The following MACROD2 variants were observed in gnomAD, a reference collection of about 807,000 sequenced individuals.
MACROD2 encodes ADP-ribose glycohydrolase MACROD2.
In MACROD2, 36 loss-of-function variants were observed where a neutral mutation model predicts 70.4. The observed-to-expected ratio is 0.51, with a 90% CI of 0.39 to 0.68. MACROD2 has a LOEUF of 0.68. Ranked by LOEUF, MACROD2 falls within the 30% of genes least tolerant of loss-of-function variation. MACROD2 has a pLI of 0.00. For missense variants in MACROD2, 496 were observed against 538.4 expected, an observed-to-expected ratio of 0.92 and a Z score of 0.78; for synonymous variants, 172 against 178.8, an observed-to-expected ratio of 0.96 and a Z score of 0.30.
At chr20:14,226,794 C>T (rs2081740295) in intron 3 of MACROD2, among the ~76,000 whole-genome samples, 1 of 152,258 alleles carries the variant, frequency 6.6e-6, no homozygotes, top group Non-Finnish European at 1.5e-5. Flanking sequence ...CTCCCACCCA[C>T]TCCGTGGGCT....
At chr20:15,839,193 C>G (rs1279206394) in intron 8 of MACROD2, among the ~76,000 whole-genome samples, 1 of 152,072 alleles carries the variant, frequency 6.6e-6, no homozygotes, top group Non-Finnish European at 1.5e-5. Flanking sequence ...AGAGAAGAAA[C>G]AGAAGCATCC....
chr20:15,844,346 A>G (rs1406021425), intron 8 of MACROD2, among the ~76,000 whole-genome samples: 3 of 152,076 alleles, frequency 2.0e-5, no homozygotes, highest in African/African-American at 7.2e-5. Flanking sequence ...GTCATCATCA[A>G]CCTATCAAAC....
intron 8 of MACROD2, among the ~76,000 whole-genome samples, chr20:15,534,117 ATG>A (rs1415827808): frequency 6.6e-6 from 1 of 152,298 alleles, no homozygotes; most frequent in South Asian, 2.1e-4. Flanking sequence ...GAAAATCTAT[ATG>A]TGTGATGCAT....
intron 5 of MACROD2, among the ~76,000 whole-genome samples, chr20:14,770,416 C>G (rs1218183926): frequency 6.6e-6 from 1 of 151,806 alleles, no homozygotes; most frequent in Non-Finnish European, 1.5e-5. Context: ...TAAAAATAAA[C>G]AAAAAATAAA....
At chr20:15,938,073 T>C (rs372161595) in intron 12 of MACROD2, among the ~76,000 whole-genome samples, 1 of 134,486 alleles carries the variant, frequency 7.4e-6, no homozygotes, top group African/African-American at 2.7e-5. Flanking sequence ...CCAGAAAAAG[T>C]AAAAAAAAAA....
intron 15 of MACROD2, among the ~76,000 whole-genome samples, chr20:16,019,796 T>C (rs2066977610): frequency 6.6e-6 from 1 of 152,074 alleles, no homozygotes; most frequent in Non-Finnish European, 1.5e-5. Flanking sequence ...GTTCTAATGC[T>C]CAGTCACATT....
intron 5 of MACROD2, among the ~76,000 whole-genome samples, chr20:14,947,312 A>G (rs1029827422): frequency 5.3e-5 from 8 of 152,338 alleles, no homozygotes; most frequent in African/African-American, 1.7e-4. Flanking sequence ...GTGATTCAGA[A>G]CATTGGGAAG....
At chr20:14,416,592 T>G (rs1455981185) in intron 3 of MACROD2, among the ~76,000 whole-genome samples, 2 of 152,124 alleles carry the variant, frequency 1.3e-5, no homozygotes, top group African/African-American at 2.4e-5. Context: ...GAAAATTGAG[T>G]CGTATTGAAG....
At chr20:15,084,313 C>T (rs1411785910) in intron 5 of MACROD2, among the ~76,000 whole-genome samples, 4 of 151,938 alleles carry the variant, frequency 2.6e-5, no homozygotes, top group Non-Finnish European at 4.4e-5. Flanking sequence ...TGTGATCTGC[C>T]CACCTCAGCA....
chr20:14,031,586 A>C (rs2053247134), intron 2 of MACROD2, among the ~76,000 whole-genome samples: 1 of 152,134 alleles, frequency 6.6e-6, no homozygotes, highest in African/African-American at 2.4e-5. Context: ...TGATGACATA[A>C]CAGTACTGGA....
intron 2 of MACROD2, among the ~76,000 whole-genome samples, chr20:14,040,201 A>G (rs1342184165): frequency 6.6e-6 from 1 of 152,164 alleles, no homozygotes; most frequent in Non-Finnish European, 1.5e-5. Context: ...CTGAGATGGT[A>G]TAGCTACCTA....
intron 5 of MACROD2, among the ~76,000 whole-genome samples, chr20:15,010,061 A>T (rs1433820903): frequency 1.3e-5 from 2 of 152,208 alleles, no homozygotes; most frequent in Admixed American, 1.3e-4. Flanking sequence ...GTTGCCCTAC[A>T]GAAATTTACC....
chr20:15,252,467 C>G (rs943620735), intron 6 of MACROD2, among the ~76,000 whole-genome samples: 1 of 152,178 alleles, frequency 6.6e-6, no homozygotes, highest in Non-Finnish European at 1.5e-5. Flanking sequence ...AGAGCTGTCT[C>G]TCTCTGGAAC....
At chr20:15,184,030 A>G (rs1219649127) in intron 5 of MACROD2, among the ~76,000 whole-genome samples, 1 of 152,232 alleles carries the variant, frequency 6.6e-6, no homozygotes, top group Non-Finnish European at 1.5e-5. Context: ...CCTTATTTAA[A>G]GGGATCAGAT....
intron 5 of MACROD2, among the ~76,000 whole-genome samples, chr20:15,128,197 C>T (rs2076080159): frequency 1.3e-5 from 2 of 152,006 alleles, no homozygotes; most frequent in Non-Finnish European, 2.9e-5. Flanking sequence ...GTTTTTAGAA[C>T]AGAGAAAGTG....
intron 5 of MACROD2, among the ~76,000 whole-genome samples, chr20:14,873,856 T>C (rs2073518183): frequency 6.6e-6 from 1 of 152,132 alleles, no homozygotes; most frequent in East Asian, 1.9e-4. Flanking sequence ...CAAAACTCTG[T>C]CTCAAAATAA....
At chr20:14,810,387 C>T (rs1161416339) in intron 5 of MACROD2, among the ~76,000 whole-genome samples, 2 of 152,046 alleles carry the variant, frequency 1.3e-5, no homozygotes, top group Non-Finnish European at 2.9e-5. Context: ...TAAAATTCAA[C>T]ACCCCTTCAT....
intron 13 of MACROD2, among the ~76,000 whole-genome samples, chr20:15,984,526 A>C (rs1193698967): frequency 6.6e-6 from 1 of 152,030 alleles, no homozygotes; most frequent in Non-Finnish European, 1.5e-5. Context: ...ATTTTTCAAC[A>C]TGTCTTAACT....
intron 9 of MACROD2, among the ~76,000 whole-genome samples, chr20:15,876,368 T>G (rs1382434028): frequency 6.6e-6 from 1 of 151,896 alleles, no homozygotes; most frequent in African/African-American, 2.4e-5. Flanking sequence ...GCAGTGTTTG[T>G]TTTTTTGTCC....
Sources: allele counts gnomAD v4.1 joint callset (sites outside exome capture counted in the v4.1 genomes callset), GRCh38; gene constraint gnomAD v4.1.1; transcripts MANE v1.5; gene names NCBI Gene and HGNC (gene_info 2026-07-23, HGNC 2026-07-21).